FMN1: variants seen among roughly 807,000 people sequenced by gnomAD.
The protein encoded by FMN1 is formin 1, also known as formin-1.
A neutral mutation model predicts 132.4 loss-of-function variants in FMN1; 110 were observed. That is an observed-to-expected ratio of 0.83 (90% CI 0.71 to 0.97). The LOEUF (loss-of-function observed/expected upper bound fraction) is 0.97. Ranked by LOEUF, FMN1 falls within the 50% of genes least tolerant of loss-of-function variation. The pLI is 0.00. For missense variants in FMN1, 1,792 were observed against 1,705.3 expected, an observed-to-expected ratio of 1.05 and a Z score of -0.90; for synonymous variants, 722 against 651.7, an observed-to-expected ratio of 1.11 and a Z score of -1.64.
chr15:32,783,673 C>T (rs28449688), intron 19 of FMN1, among the ~76,000 whole-genome samples: 4 of 137,590 alleles, frequency 2.9e-5, no homozygotes, highest in African/African-American at 5.8e-5. Flanking sequence ...AACCCGGGGT[C>T]GGGGGAGCTT....
intron 7 of FMN1, among the ~76,000 whole-genome samples, chr15:32,994,620 T>G (rs1294115319): frequency 1.3e-5 from 2 of 152,218 alleles, no homozygotes; most frequent in Non-Finnish European, 2.9e-5. Flanking sequence ...GCCTATTATC[T>G]GTCCTGCTCC....
At chr15:32,931,098 T>C (rs2061104550) in intron 9 of FMN1, among the ~76,000 whole-genome samples, 1 of 152,166 alleles carries the variant, frequency 6.6e-6, no homozygotes, top group Admixed American at 6.5e-5. Flanking sequence ...TACTGCAGCT[T>C]GGCAATTTGT....
At chr15:32,898,779 T>C (rs1003565176) in intron 15 of FMN1, 55 bp downstream of exon 15, 26 of 1,139,380 alleles carry the variant, frequency 2.3e-5, no homozygotes, top group Middle Eastern at 3.9e-4. Context: ...ATCCAACTTA[T>C]GAATGTCAAC....
intron 5 of FMN1, among the ~76,000 whole-genome samples, chr15:33,071,502 C>G (rs1351151043): frequency 2.6e-5 from 4 of 152,196 alleles, no homozygotes; most frequent in Non-Finnish European, 5.9e-5. Flanking sequence ...CCCTGCCTTC[C>G]ACCTCCATGA....
chr15:33,180,197 C>T lies in FMN1; in HGVS notation c.-132+1G>A, dbSNP rs1043910773. 1 of 151,988 alleles carries T rather than the reference C, an allele frequency of 6.6e-6. No homozygotes were observed. Among genetic ancestry groups the T allele is most frequent in the East Asian group, 1.9e-4 (1 of 5,182 alleles). The allele number at this position is 151,988 out of a possible 1,614,324, so 9.4% of individuals were successfully genotyped here. ...TGCCATGATTTAGTCCACCTTCTTA[C>T]CTAGATCAGCCTTCGCTTGGGCAGG... On this transcript the variant is annotated splice_donor_variant, in intron 3 of 20. Transcript: ENST00000616417. LOFTEE classifies it low-confidence loss of function (5UTR_SPLICE).
At chr15:33,088,752 T>TGTTGACC (rs2141358530) in intron 5 of FMN1, 47 bp downstream of exon 5, 1 of 1,467,132 alleles carries the variant, frequency 6.8e-7, no homozygotes, top group East Asian at 2.5e-5. Flanking sequence ...AATGAGCCTC[T>TGTTGACC]GTTGACCACA....
intron 7 of FMN1, among the ~76,000 whole-genome samples, chr15:33,002,179 A>G (rs1369340720): frequency 6.6e-6 from 1 of 152,202 alleles, no homozygotes; most frequent in African/African-American, 2.4e-5. Context: ...AGAATGAGTC[A>G]CTTTTTCTTT....
intron 9 of FMN1, among the ~76,000 whole-genome samples, chr15:32,931,503 T>C (rs2061117048): frequency 6.6e-6 from 1 of 152,230 alleles, no homozygotes; most frequent in African/African-American, 2.4e-5. Flanking sequence ...GTAGTTAATA[T>C]TTTTGTGTTA....
At chr15:32,778,276 T>TTA (rs199669016) in intron 19 of FMN1, among the ~76,000 whole-genome samples, 19 of 143,662 alleles carry the variant, frequency 1.3e-4, no homozygotes, top group African/African-American at 2.3e-4. Context: ...AATATATATT[T>TTA]TATATATATA....
rs573045222 is a variant in FMN1 at position 32,878,923 on chromosome 15, G to T, written c.3835+9249C>A. Among the ~76,000 whole-genome samples, 211 of 152,284 alleles carry T rather than the reference G, an allele frequency of 1.4e-3. 1 individual carries two copies. Among genetic ancestry groups the T allele is most frequent in the Admixed American group, 2.3e-3 (35 of 15,294 alleles). ...GTGCAAACTGAGAGGAGGAAACCAG[G>T]ACAACATAACTCATCCTTCCCACCT... On this transcript the variant is annotated intron_variant, in intron 16 of 20. Coordinates refer to ENST00000616417, the MANE Select transcript of FMN1 (RefSeq NM_001277313.2).
intron 7 of FMN1, among the ~76,000 whole-genome samples, chr15:33,001,198 G>A (rs1209099623): frequency 4.6e-5 from 7 of 152,110 alleles, no homozygotes; most frequent in East Asian, 3.9e-4. Context: ...CAAGAGAACC[G>A]CTTAAATCTG....
chr15:33,039,438 A>G (rs948530097), intron 6 of FMN1, among the ~76,000 whole-genome samples: 4 of 152,224 alleles, frequency 2.6e-5, no homozygotes, highest in Non-Finnish European at 5.9e-5. Context: ...TGTTAAAAAC[A>G]TAATAGGTTA....
chr15:33,043,412 T>G (rs1258422973), intron 6 of FMN1, among the ~76,000 whole-genome samples: 13 of 152,226 alleles, frequency 8.5e-5, no homozygotes. Flanking sequence ...CCAACCCAGT[T>G]GTTCCTGTGT....
At position 33,040,516 on chromosome 15, in the gene FMN1, GATT is replaced by G. The variant is rs549765467; in HGVS notation, c.2161+24438_2161+24440del. On this transcript the variant is annotated intron_variant, in intron 6 of 20. Transcript: ENST00000616417. ...CTTAGTAAATATTTGCTACATAAAT[GATT>G]ATTATTTATAACAGTGGAATTAATA... Among the ~76,000 whole-genome samples the G allele has an allele frequency of 2.9e-3, 436 of 152,234 alleles. 1 individual carries two copies. The highest frequency in any genetic ancestry group is 0.01 in the African/African-American group (417 of 41,522).
At chr15:32,994,066 C>T (rs2033612720) in intron 7 of FMN1, among the ~76,000 whole-genome samples, 1 of 152,102 alleles carries the variant, frequency 6.6e-6, no homozygotes, top group Admixed American at 6.6e-5. Context: ...CCTTTCTCCA[C>T]CGCACTGTTT....
At chr15:32,836,405 C>T (rs901954296) in intron 17 of FMN1, among the ~76,000 whole-genome samples, 2 of 152,148 alleles carry the variant, frequency 1.3e-5, no homozygotes, top group African/African-American at 4.8e-5. Context: ...GTATAGTTCA[C>T]ATTTTCTCCT....
At chr15:33,123,387 A>C (rs1171307449) in intron 4 of FMN1, among the ~76,000 whole-genome samples, 1 of 152,178 alleles carries the variant, frequency 6.6e-6, no homozygotes, top group Non-Finnish European at 1.5e-5. Context: ...ACTGCACTAT[A>C]TAGTATACAG....
Position 32,850,859 on chromosome 15 carries a change from T to C in FMN1, c.3928+6156A>G, listed in dbSNP as rs144755160. Among the ~76,000 whole-genome samples, 427 of 152,320 alleles carry C rather than the reference T, an allele frequency of 2.8e-3. 5 individuals carry two copies. Among genetic ancestry groups the C allele is most frequent in the African/African-American group, 9.6e-3 (398 of 41,580 alleles). ...TAGGTTTGGGGGTACATGTGAAGGT[T>C]TGTTACATAGGTAAACTAAAACAAT... On this transcript the variant is annotated intron_variant, in intron 17 of 20. Transcript: ENST00000616417.
chr15:32,795,528 T>C (rs1342706062), intron 19 of FMN1, among the ~76,000 whole-genome samples: 1 of 150,568 alleles, frequency 6.6e-6, no homozygotes, highest in African/African-American at 2.5e-5. Flanking sequence ...ATTTTACAGA[T>C]GTGACAATCG....
Sources: allele counts gnomAD v4.1 joint callset (sites outside exome capture counted in the v4.1 genomes callset), GRCh38; gene constraint gnomAD v4.1.1; transcripts MANE v1.5; gene names NCBI Gene and HGNC (gene_info 2026-07-23, HGNC 2026-07-21).